Variants in ZNF407 observed in about 807,000 individuals in gnomAD.
ZNF407 encodes zinc finger protein 407.
A neutral mutation model predicts 131.2 loss-of-function variants in ZNF407; 17 were observed. The ratio of observed to expected loss-of-function variants is 0.13; its 90% confidence interval spans 0.09 to 0.19. The LOEUF (loss-of-function observed/expected upper bound fraction) is 0.19, where lower values mean the gene tolerates loss of function less well. Among genes scored for constraint, ZNF407 ranks in the 10% least tolerant of loss-of-function variants. ZNF407 has a pLI of 1.00. For missense variants in ZNF407, 2,681 were observed against 2,830.6 expected (o/e 0.95, Z 1.20); for synonymous variants, 1,156 against 1,062.0 (o/e 1.09, Z -1.72).
intron 7 of ZNF407, chr18:74,905,975 G>A (rs1245644134): frequency 2.0e-5 from 3 of 152,484 alleles, no homozygotes; most frequent in African/African-American, 7.2e-5. Flanking sequence ...TAGTGTAATA[G>A]TGTAATATGG....
At chr18:74,812,308 A>G (rs1970208369) in intron 4 of ZNF407, among the ~76,000 whole-genome samples, 2 of 152,202 alleles carry the variant, frequency 1.3e-5, no homozygotes, top group Admixed American at 6.5e-5. Context: ...ATTTTATAAT[A>G]CATAGCACAC....
chr18:74,782,473 T>C (rs1239112401), intron 4 of ZNF407, among the ~76,000 whole-genome samples: 2 of 152,204 alleles, frequency 1.3e-5, no homozygotes, highest in African/African-American at 2.4e-5. Context: ...GGGCATAGAC[T>C]GCTACTGAGT....
chr18:75,029,644 T>TGCATGCGCAGG (rs546904065), intron 8 of ZNF407, among the ~76,000 whole-genome samples: 4 of 152,350 alleles, frequency 2.6e-5, no homozygotes, highest in African/African-American at 2.4e-5. Context: ...TGCGTGCGTG[T>TGCATGCGCAGG]GCATGCGCAG....
Position 74,632,278 on chromosome 18 carries a change from T to C in ZNF407, c.1259T>C (p.Ile420Thr). 2 of 1,613,940 alleles carry C rather than the reference T, an allele frequency of 1.2e-6. No individual in the cohort carries two copies. Among genetic ancestry groups the C allele is most frequent in the Non-Finnish European group, 8.5e-7 (1 of 1,179,892 alleles). Residue 420 changes from isoleucine to threonine, a missense_variant, in exon 2 of 9, where the codon ATT (isoleucine) becomes ACT (threonine). Physicochemically the swap from Ile to Thr is moderately conservative, Grantham distance 89. Around this residue, in one of 6 missense-constraint regions of ZNF407, gnomAD observed 1,789 missense variants for 1,748.7 expected, o/e 1.02. Coordinates refer to ENST00000299687, the MANE Select transcript of ZNF407 (RefSeq NM_017757.3). ...VTSRPRPERN[I>T]LVLGNSFRRR... The stretch of plus-strand genomic sequence containing the variant: ...TCGAGGCCAAGACCTGAGCGAAATA[T>C]TCTCGTGTTGGGTAATAGCTTTCGT...
chr18:75,063,682 A>C lies in ZNF407; in HGVS notation c.5961A>C (p.Ser1987=), dbSNP rs775919479. 10 of 1,611,176 alleles carry C rather than the reference A, an allele frequency of 6.2e-6. No homozygotes were observed. The Admixed American group carries it at 1.7e-4, about 27-fold the overall frequency. Residue 1987 remains serine (S), a synonymous_variant, in exon 9 of 9, where the codon TCA becomes TCC. Coordinates refer to ENST00000299687, the MANE Select transcript of ZNF407 (RefSeq NM_017757.3). The surrounding 1 kb of genome is among the most constrained non-coding windows in gnomAD (Gnocchi z 6.6). The part of the protein sequence containing the change: ...EAGVAPPEAS[S]ALDALLCAVT... ...GAGTCGCTCCCCCCGAGGCATCCTC[A>C]GCCCTGGATGCATTGCTCTGTGCGG...
chr18:74,644,673 C>T (rs1043470544), intron 3 of ZNF407, among the ~76,000 whole-genome samples: 1 of 152,028 alleles, frequency 6.6e-6, no homozygotes, highest in East Asian at 1.9e-4. Context: ...ATTTCCATAG[C>T]TTTGTGGATT....
chr18:74,817,527 GA>G (rs1970283934), intron 4 of ZNF407, among the ~76,000 whole-genome samples: 1 of 152,030 alleles, frequency 6.6e-6, no homozygotes, highest in East Asian at 1.9e-4. Flanking sequence ...TAACTTTTAT[GA>G]TACTATTTTA....
intron 1 of ZNF407, among the ~76,000 whole-genome samples, chr18:74,612,948 GTTTA>G (rs1017848111): frequency 7.2e-5 from 11 of 152,294 alleles, no homozygotes; most frequent in Admixed American, 3.3e-4. Context: ...ACTGGTAAAT[GTTTA>G]TTTACGTCCT....
intron 3 of ZNF407, among the ~76,000 whole-genome samples, chr18:74,701,572 A>T (rs1201710715): frequency 6.6e-6 from 1 of 152,144 alleles, no homozygotes; most frequent in East Asian, 1.9e-4. Context: ...CCTTCTGGTA[A>T]TCACCGAGGC....
intron 3 of ZNF407, among the ~76,000 whole-genome samples, chr18:74,749,787 A>G (rs1306289834): frequency 1.3e-5 from 2 of 152,184 alleles, no homozygotes; most frequent in East Asian, 3.8e-4. Flanking sequence ...TTAACATCTT[A>G]TTTGGGGAAT....
intron 3 of ZNF407, among the ~76,000 whole-genome samples, chr18:74,738,422 GAAAAAAAA>G (rs10602546): frequency 9.1e-5 from 6 of 65,724 alleles, no homozygotes; most frequent in Admixed American, 2.2e-4. Flanking sequence ...TCTGTCTCAA[GAAAAAAAA>G]AAAAAAAAAA....
At chr18:74,790,898 A>G (rs1379085516) in intron 4 of ZNF407, among the ~76,000 whole-genome samples, 9 of 152,208 alleles carry the variant, frequency 5.9e-5, no homozygotes, top group Admixed American at 1.3e-4. Context: ...GAAAGAAGAT[A>G]TTTTTATTTC....
chr18:74,645,261 C>G (rs1029502262), intron 3 of ZNF407, among the ~76,000 whole-genome samples: 2 of 151,912 alleles, frequency 1.3e-5, no homozygotes, highest in African/African-American at 4.8e-5. Context: ...TGTTTTTGTT[C>G]TGCAGTGTTA....
At chr18:74,607,305 C>T (rs1343607725) in intron 1 of ZNF407, among the ~76,000 whole-genome samples, 2 of 152,178 alleles carry the variant, frequency 1.3e-5, no homozygotes, top group African/African-American at 4.8e-5. Flanking sequence ...TGAGACCACA[C>T]TTCTGTAGCC....
Position 75,063,447 on chromosome 18 carries a change from G to C in ZNF407, c.5726G>C (p.Gly1909Ala), listed in dbSNP as rs1973664075. ...VARVVHITED[G>A]QVIATSQSGA... ...CGGGTGGTGCATATCACGGAGGATG[G>C]CCAGGTCATCGCCACGAGTCAGAGC... Residue 1909 changes from glycine to alanine, a missense_variant, in exon 9 of 9, where the codon GGC becomes GCC. Physicochemically the swap from Gly to Ala is moderately conservative, Grantham distance 60. Coordinates refer to ENST00000299687, the MANE Select transcript of ZNF407 (RefSeq NM_017757.3). The surrounding 1 kb of genome is among the most constrained non-coding windows in gnomAD (Gnocchi z 6.6). 6.2e-7 allele frequency: 1 copy of C among 1,608,186 alleles called. No individual in the cohort carries two copies. Among genetic ancestry groups the C allele is most frequent in the East Asian group, 2.2e-5 (1 of 44,580 alleles).
chr18:74,812,944 A>C (rs992506622), intron 4 of ZNF407, among the ~76,000 whole-genome samples: 1 of 152,036 alleles, frequency 6.6e-6, no homozygotes, highest in South Asian at 2.1e-4. Context: ...TGTAGACTAC[A>C]GTTTTTGTTG....
intron 3 of ZNF407, among the ~76,000 whole-genome samples, chr18:74,781,164 A>T (rs561245103): frequency 6.6e-6 from 1 of 152,220 alleles, no homozygotes; most frequent in Non-Finnish European, 1.5e-5. Context: ...GAAGACAGGG[A>T]TTGAAGAACT....
At chr18:74,786,191 AT>A (rs375759716) in intron 4 of ZNF407, among the ~76,000 whole-genome samples, 186 of 152,318 alleles carry the variant, frequency 1.2e-3, no homozygotes, top group African/African-American at 4.2e-3. Context: ...ATTTCATTTT[AT>A]TAAAGGGAAA....
At chr18:74,613,089 G>A (rs1466345864) in intron 1 of ZNF407, among the ~76,000 whole-genome samples, 1 of 152,128 alleles carries the variant, frequency 6.6e-6, no homozygotes, top group Non-Finnish European at 1.5e-5. Flanking sequence ...TGAATATTGA[G>A]TCTAAGTGAC....
Sources: gnomAD v4.1 joint callset for allele counts (sites outside exome capture counted in the v4.1 genomes callset) on GRCh38, gnomAD v4.1.1 for gene constraint, gnomAD v4.1.1 regional missense constraint, Gnocchi (gnomAD v3.1) non-coding constraint, MANE v1.5 for transcripts, NCBI Gene and HGNC (gene_info 2026-07-23, HGNC 2026-07-21) for gene names.